The following MMS22L variants were observed in gnomAD, a reference collection of about 807,000 sequenced individuals.
MMS22L encodes MMS22 like, DNA repair protein, also known as protein MMS22-like.
A neutral mutation model predicts 159.1 loss-of-function variants in MMS22L; 74 were observed. That is an observed-to-expected ratio of 0.47 (90% CI 0.39 to 0.56). MMS22L has a LOEUF of 0.56. Among genes scored for constraint, MMS22L ranks in the 20% least tolerant of loss-of-function variants. The pLI is 0.00. For synonymous variants in MMS22L, 517 were observed against 506.9 expected (o/e 1.02, Z -0.27); for missense variants, 1,351 against 1,422.1 (o/e 0.95, Z 0.80).
At chr6:97,191,415 T>C (rs1051711689) in intron 14 of MMS22L, among the ~76,000 whole-genome samples, 2 of 152,208 alleles carry the variant, frequency 1.3e-5, no homozygotes, top group Admixed American at 6.5e-5. Context: ...CACAGTTGTA[T>C]ATTAATTATT....
chr6:97,162,411 C>A (rs985205742), intron 21 of MMS22L, among the ~76,000 whole-genome samples: 1 of 151,900 alleles, frequency 6.6e-6, no homozygotes, highest in South Asian at 2.1e-4. Context: ...AAATTGAAAG[C>A]AACCTTGTTT....
intron 13 of MMS22L, 147 bp downstream of exon 13, chr6:97,231,279 C>G: frequency 1.6e-6 from 1 of 618,228 alleles, no homozygotes; most frequent in East Asian, 2.8e-5. Flanking sequence ...TTGTTTCTAT[C>G]ACTTTTAATC....
intron 22 of MMS22L, among the ~76,000 whole-genome samples, chr6:97,158,417 T>C (rs1273690804): frequency 6.6e-6 from 1 of 152,228 alleles, no homozygotes; most frequent in Non-Finnish European, 1.5e-5. Flanking sequence ...GTGTCAATTT[T>C]AGATCTTTCT....
Position 97,282,360 on chromosome 6 carries a change from T to TTCC in MMS22L, c.115_117dup (p.Gly39dup). 1.2e-6 allele frequency: 2 copies of TTCC among 1,614,108 alleles called. No individual in the cohort carries two copies. Among genetic ancestry groups the TTCC allele is most frequent in the Non-Finnish European group, 1.7e-6 (2 of 1,180,014 alleles). On this transcript the variant is annotated inframe_insertion, in exon 2 of 25. Transcript: ENST00000683635. Reference sequence around the variant, plus strand: ...AGGTAGGATTCTCCAGAAAAATGTTTTCCTCCTCCTCTGTTGTCAACAGCA... The same window carrying TTCC: ...AGGTAGGATTCTCCAGAAAAATGTTTTCCTCCTCCTCCTCTGTTGTCAACAGCA...
At chr6:97,216,805 G>A (rs1809064498) in intron 14 of MMS22L, among the ~76,000 whole-genome samples, 1 of 152,134 alleles carries the variant, frequency 6.6e-6, no homozygotes, top group Non-Finnish European at 1.5e-5. Flanking sequence ...ACATAAATAA[G>A]ATTGGGAAAA....
chr6:97,221,656 T>C (rs898578895), intron 14 of MMS22L, among the ~76,000 whole-genome samples: 2 of 152,076 alleles, frequency 1.3e-5, no homozygotes, highest in Non-Finnish European at 2.9e-5. Flanking sequence ...GAGATACCCA[T>C]GCTTTCTCTG....
intron 10 of MMS22L, among the ~76,000 whole-genome samples, chr6:97,252,453 T>C (rs988110136): frequency 5.9e-5 from 9 of 152,066 alleles, no homozygotes; most frequent in African/African-American, 2.2e-4. Context: ...GAAACCAGCC[T>C]GGCCAACATG....
chr6:97,148,407 G>C (rs1429511447), intron 24 of MMS22L, among the ~76,000 whole-genome samples: 1 of 152,016 alleles, frequency 6.6e-6, no homozygotes. Context: ...CCAGAAGAAG[G>C]CTTCCTTATT....
chr6:97,207,470 A>C (rs1807905470), intron 14 of MMS22L, among the ~76,000 whole-genome samples: 1 of 152,216 alleles, frequency 6.6e-6, no homozygotes, highest in Non-Finnish European at 1.5e-5. Context: ...CTTTAAAAAA[A>C]ATTATCACAT....
intron 21 of MMS22L, among the ~76,000 whole-genome samples, chr6:97,164,582 A>AT (rs992925868): frequency 1.4e-4 from 21 of 151,964 alleles, no homozygotes; most frequent in African/African-American, 5.1e-4. Flanking sequence ...ATTAGCATTC[A>AT]TTTTTTCACT....
intron 18 of MMS22L, among the ~76,000 whole-genome samples, chr6:97,174,571 A>G (rs538064614): frequency 6.6e-6 from 1 of 152,098 alleles, no homozygotes; most frequent in Non-Finnish European, 1.5e-5. Flanking sequence ...TAGGGAAGGA[A>G]GTGAGGCCTT....
chr6:97,161,391 A>AG (rs1330701812), intron 22 of MMS22L, among the ~76,000 whole-genome samples: 1 of 152,074 alleles, frequency 6.6e-6, no homozygotes, highest in Admixed American at 6.6e-5. Flanking sequence ...AATTGCTTTA[A>AG]GGACTAATCT....
intron 9 of MMS22L, chr6:97,261,283 C>T (rs901719740): frequency 2.6e-5 from 4 of 152,136 alleles, no homozygotes; most frequent in Admixed American, 1.3e-4. Flanking sequence ...ATACAGCTGA[C>T]GTTTGAACAA....
In MMS22L at chr6:97,145,061, C is replaced by CA. The variant is rs1485290171; in HGVS notation, c.*1744dup. The CA allele has an allele frequency of 1.5e-4, 22 of 144,924 alleles. No individual in the cohort carries two copies. Among genetic ancestry groups the CA allele is most frequent in the African/African-American group, 6.0e-4 (22 of 36,576 alleles). 9.0% of individuals were successfully genotyped at this position (144,924 alleles called of 1,614,324 possible). Reference sequence around the variant, plus strand: ...ACACACACACACACACACACACACACACACAAAAACACATATACACATAAA... The same window carrying CA: ...ACACACACACACACACACACACACACAACACAAAAACACATATACACATAAA... On this transcript the variant is annotated 3_prime_UTR_variant, in exon 25 of 25. Coordinates refer to ENST00000683635, the MANE Select transcript of MMS22L (RefSeq NM_001350599.2).
At chr6:97,244,149 G>C (rs1365675777) in intron 11 of MMS22L, among the ~76,000 whole-genome samples, 1 of 152,224 alleles carries the variant, frequency 6.6e-6, no homozygotes, top group African/African-American at 2.4e-5. Context: ...CCTTGGTGCA[G>C]GGTTGTTCTG....
rs1410728968 is a variant in MMS22L, at chr6:97,173,099, A to G, written c.2803T>C (p.Phe935Leu). 12 of 1,613,302 alleles carry G rather than the reference A, an allele frequency of 7.4e-6. No individual in the cohort carries two copies. Among genetic ancestry groups the G allele is most frequent in the Non-Finnish European group, 9.3e-6 (11 of 1,179,698 alleles). ...YIKPYLGKKV[F>L]SAGLQLTYGM... is the part of the protein sequence containing the mutation. ...TAAGTCAGCTGCAGCCCTGCACTGA[A>G]AACTTTTTTTCCCAAATAAGGCTTA... The change falls in exon 19 of 25, where the codon TTC (phenylalanine) becomes CTC (leucine). Residue 935 changes from phenylalanine (F) to leucine (L), a missense_variant. Coordinates refer to ENST00000683635, the MANE Select transcript of MMS22L (RefSeq NM_001350599.2).
At chr6:97,189,634 A>T (rs1201041494) in intron 14 of MMS22L, among the ~76,000 whole-genome samples, 3 of 151,366 alleles carry the variant, frequency 2.0e-5, no homozygotes, top group Non-Finnish European at 4.4e-5. Context: ...TTAAAGCTAT[A>T]GATTACATCC....
At chr6:97,265,180 T>G (rs1369335137) in intron 8 of MMS22L, 2 of 152,210 alleles carry the variant, frequency 1.3e-5, no homozygotes, top group East Asian at 3.8e-4. Flanking sequence ...AACAGTGTGC[T>G]GCTAGCACAC....
At chr6:97,169,275 C>A (rs933571418) in intron 19 of MMS22L, among the ~76,000 whole-genome samples, 2 of 151,968 alleles carry the variant, frequency 1.3e-5, no homozygotes, top group African/African-American at 2.4e-5. Flanking sequence ...CAAATGAGCA[C>A]CCTTTGTTTA....
Sources: allele counts gnomAD v4.1 joint callset (sites outside exome capture counted in the v4.1 genomes callset), GRCh38; gene constraint gnomAD v4.1.1; transcripts MANE v1.5; gene names NCBI Gene and HGNC (gene_info 2026-07-23, HGNC 2026-07-21).